Variants in PCDH9 observed in about 807,000 individuals in gnomAD.
PCDH9 encodes protocadherin 9.
Under a neutral mutation model 70.6 loss-of-function variants are expected in PCDH9, and 24 were observed. That is an observed-to-expected ratio of 0.34 (90% CI 0.25 to 0.48). The LOEUF (loss-of-function observed/expected upper bound fraction) is 0.48. Ranked by LOEUF, PCDH9 falls within the 20% of genes least tolerant of loss-of-function variation. The pLI, the probability that PCDH9 is intolerant of heterozygous loss-of-function variation, is 0.99. For missense variants in PCDH9, 1,281 were observed against 1,503.6 expected (o/e 0.85, Z 2.45); for synonymous variants, 562 against 558.5 (o/e 1.01, Z -0.09).
At chr13:66,531,574 G>T (rs1183559105) in intron 4 of PCDH9, among the ~76,000 whole-genome samples, 2 of 151,380 alleles carry the variant, frequency 1.3e-5, no homozygotes, top group African/African-American at 4.8e-5. Context: ...TAAACTAAAG[G>T]AAGAAAAGCC....
intron 2 of PCDH9, among the ~76,000 whole-genome samples, chr13:67,089,405 A>G (rs2138206483): frequency 6.6e-6 from 1 of 152,122 alleles, no homozygotes; most frequent in African/African-American, 2.4e-5. Flanking sequence ...AAGTAGCGTA[A>G]GACTCCAGCG....
At position 67,051,006 on chromosome 13, in the gene PCDH9, A is replaced by T. The variant is rs1003230912; in HGVS notation, c.3037-147401T>A. Among the ~76,000 whole-genome samples, 8 of 152,302 alleles carry T rather than the reference A, an allele frequency of 5.3e-5. No individual in the cohort carries two copies. In the East Asian group the frequency reaches 1.5e-3, roughly 29 times the overall value. The stretch of plus-strand genomic sequence containing the variant: ...AGCAATAGATATAGATCTTTGGGGG[A>T]TTCAAAATCTTATTCTTTCACTTGG... On this transcript the variant is annotated intron_variant, in intron 2 of 4. Coordinates refer to ENST00000377865, the MANE Select transcript of PCDH9 (RefSeq NM_203487.3).
intron 3 of PCDH9, among the ~76,000 whole-genome samples, chr13:66,874,942 T>TGTGTGAGA (rs533672911): frequency 4.4e-4 from 48 of 110,022 alleles, no homozygotes; most frequent in East Asian, 1.5e-3. Flanking sequence ...TGTGTGTGTG[T>TGTGTGAGA]GAGAGAGAGA....
At chr13:66,951,945 G>A (rs895276518) in intron 2 of PCDH9, among the ~76,000 whole-genome samples, 5 of 152,186 alleles carry the variant, frequency 3.3e-5, no homozygotes, top group Middle Eastern at 3.4e-3. Context: ...AAACATGGGG[G>A]GTGTTGTAAT....
intron 3 of PCDH9, among the ~76,000 whole-genome samples, chr13:66,654,436 T>C (rs1359032438): frequency 6.6e-6 from 1 of 152,090 alleles, no homozygotes; most frequent in African/African-American, 2.4e-5. Flanking sequence ...TCAACAATAA[T>C]TTATTGTATA....
At chr13:66,430,782 G>C (rs1957758040) in intron 4 of PCDH9, among the ~76,000 whole-genome samples, 1 of 152,056 alleles carries the variant, frequency 6.6e-6, no homozygotes. Flanking sequence ...AATGCAGTGT[G>C]ATAAGAACTG....
chr13:66,866,105 C>T (rs1356331877), intron 3 of PCDH9, among the ~76,000 whole-genome samples: 1 of 152,146 alleles, frequency 6.6e-6, no homozygotes, highest in Non-Finnish European at 1.5e-5. Context: ...AATATGTGCA[C>T]ACAATATTTG....
chr13:66,707,722 A>C (rs912201346), intron 3 of PCDH9, among the ~76,000 whole-genome samples: 7 of 152,232 alleles, frequency 4.6e-5, no homozygotes, highest in African/African-American at 1.7e-4. Context: ...GTGTACAAGG[A>C]AAATATTTGT....
intron 2 of PCDH9, among the ~76,000 whole-genome samples, chr13:67,022,040 TA>T (rs954094780): frequency 3.0e-4 from 44 of 148,794 alleles, no homozygotes; most frequent in African/African-American, 1.1e-3. Flanking sequence ...GGCCTAAAAA[TA>T]GGAGCTTTCT....
At chr13:67,101,164 A>G (rs1030629542) in intron 2 of PCDH9, among the ~76,000 whole-genome samples, 1 of 152,216 alleles carries the variant, frequency 6.6e-6, no homozygotes, top group African/African-American at 2.4e-5. Context: ...AAAACAATAT[A>G]GTAAACATTG....
At chr13:67,067,541 G>GA (rs1206391990) in intron 2 of PCDH9, among the ~76,000 whole-genome samples, 1 of 151,758 alleles carries the variant, frequency 6.6e-6, no homozygotes, top group Admixed American at 6.6e-5. Context: ...TCATTAGTGT[G>GA]AAAAAATCAT....
At chr13:66,473,850 C>G (rs985245148) in intron 4 of PCDH9, among the ~76,000 whole-genome samples, 8 of 152,126 alleles carry the variant, frequency 5.3e-5, no homozygotes, top group Non-Finnish European at 1.2e-4. Context: ...CTCTCTATCT[C>G]CTGTGGATAT....
chr13:66,999,339 AGAAGT>A (rs2084189892), intron 2 of PCDH9, among the ~76,000 whole-genome samples: 1 of 152,250 alleles, frequency 6.6e-6, no homozygotes, highest in South Asian at 2.1e-4. Flanking sequence ...CCTTAAAAAA[AGAAGT>A]GAAGGAAGAG....
chr13:66,787,444 C>T (rs967331424), intron 3 of PCDH9, among the ~76,000 whole-genome samples: 2 of 151,816 alleles, frequency 1.3e-5, no homozygotes, highest in Admixed American at 1.3e-4. Flanking sequence ...AGTGAAAGCC[C>T]ATGTCTACTA....
At chr13:66,692,012 A>T (rs1351119361) in intron 3 of PCDH9, among the ~76,000 whole-genome samples, 1 of 152,176 alleles carries the variant, frequency 6.6e-6, no homozygotes, top group Non-Finnish European at 1.5e-5. Flanking sequence ...ATTTTGAGCT[A>T]TGAGGCATTG....
chr13:66,507,219 CTT>C (rs67717721), intron 4 of PCDH9, among the ~76,000 whole-genome samples: 83,788 of 151,758 alleles, frequency 0.55, 23,666 homozygotes, highest in East Asian at 0.66. Context: ...TTCAACTTCT[CTT>C]ATAAGGAAAG....
At chr13:66,668,463 C>T (rs114953289) in intron 3 of PCDH9, among the ~76,000 whole-genome samples, 1,628 of 152,216 alleles carry the variant, frequency 0.011, 30 homozygotes, top group African/African-American at 0.036. Flanking sequence ...ACTGAAGGAA[C>T]CTGAATCCTG....
At chr13:66,338,105 G>A (rs1393956413) in intron 4 of PCDH9, among the ~76,000 whole-genome samples, 2 of 152,046 alleles carry the variant, frequency 1.3e-5, no homozygotes, top group Admixed American at 6.6e-5. Flanking sequence ...TCATACATTA[G>A]GATGGTAATG....
intron 3 of PCDH9, among the ~76,000 whole-genome samples, chr13:66,713,857 G>A (rs1455306929): frequency 6.6e-6 from 1 of 151,862 alleles, no homozygotes; most frequent in East Asian, 1.9e-4. Context: ...CAAGCAGCCT[G>A]TGTGATATAT....
Sources: gnomAD v4.1 joint callset for allele counts (sites outside exome capture counted in the v4.1 genomes callset) on GRCh38, gnomAD v4.1.1 for gene constraint, MANE v1.5 for transcripts, NCBI Gene and HGNC (gene_info 2026-07-23, HGNC 2026-07-21) for gene names.